Variants in EPC2 observed in about 807,000 individuals in gnomAD.
EPC2 encodes the protein enhancer of polycomb 2.
Under a neutral mutation model 92.1 loss-of-function variants are expected in EPC2, and 14 were observed. The observed-to-expected ratio is 0.15, with a 90% CI of 0.10 to 0.24. EPC2 has a LOEUF of 0.24. EPC2 is among the 10% of genes least tolerant of loss of function. The pLI is 1.00. For synonymous variants in EPC2, 340 were observed against 334.7 expected (o/e 1.02, Z -0.17); for missense variants, 755 against 971.5 (o/e 0.78, Z 2.96).
At chr2:148,781,918 G>A in intron 11 of EPC2, 138 bp downstream of exon 11, 1 of 923,040 alleles carries the variant, frequency 1.1e-6, no homozygotes. Flanking sequence ...TTTCTTTTCA[G>A]TTAATGTACG....
At chr2:148,710,982 C>CAG (rs1682129517) in intron 2 of EPC2, among the ~76,000 whole-genome samples, 1 of 152,132 alleles carries the variant, frequency 6.6e-6, no homozygotes, top group Non-Finnish European at 1.5e-5. Flanking sequence ...TTCATTCAGT[C>CAG]TCTCTTTTTG....
intron 2 of EPC2, among the ~76,000 whole-genome samples, chr2:148,693,239 G>A (rs1161083151): frequency 6.6e-6 from 1 of 152,046 alleles, no homozygotes; most frequent in African/African-American, 2.4e-5. Context: ...TGATAGATTA[G>A]AGAGAATCCC....
At chr2:148,771,870 C>T (rs1243950634) in intron 10 of EPC2, among the ~76,000 whole-genome samples, 4 of 151,806 alleles carry the variant, frequency 2.6e-5, no homozygotes, top group Admixed American at 1.3e-4. Context: ...TTAATCTCAG[C>T]TCACTGCAAC....
chr2:148,708,068 T>C (rs1427897775), intron 2 of EPC2, among the ~76,000 whole-genome samples: 1 of 152,112 alleles, frequency 6.6e-6, no homozygotes, highest in Non-Finnish European at 1.5e-5. Flanking sequence ...GAGTTGGTCT[T>C]TTGAAAAGAT....
rs1359873957 is a variant in EPC2 at position 148,762,732 on chromosome 2, A to T, written c.878A>T (p.Lys293Ile). Residue 293 changes from lysine to isoleucine, a missense_variant, in exon 6 of 14, where the codon AAA (lysine) becomes ATA (isoleucine). Transcript: ENST00000258484. ...GAAGTAAAAATCAGTAGATCAGAAA[A>T]AGAGTTATATGCCACTCCAGCAACT... is the stretch of plus-strand genomic sequence containing the variant. ...LNEVKISRSE[K>I]ELYATPATLH... The T allele has an allele frequency of 6.2e-7, 1 of 1,611,308 alleles. No homozygotes were observed. The highest frequency in any genetic ancestry group is 8.5e-7 in the Non-Finnish European group (1 of 1,178,776).
chr2:148,688,467 A>T (rs2105370475), intron 1 of EPC2, among the ~76,000 whole-genome samples: 1 of 152,304 alleles, frequency 6.6e-6, no homozygotes, highest in South Asian at 2.1e-4. Flanking sequence ...ATGCTAAATG[A>T]TGAGTTAATG....
chr2:148,760,334 T>TA (rs1192130219), intron 4 of EPC2, among the ~76,000 whole-genome samples: 2 of 152,126 alleles, frequency 1.3e-5, no homozygotes, highest in African/African-American at 4.8e-5. Context: ...GAGGAACACT[T>TA]ACTGAACAGG....
chr2:148,710,582 G>C (rs554810988), intron 2 of EPC2, among the ~76,000 whole-genome samples: 1 of 152,020 alleles, frequency 6.6e-6, no homozygotes, highest in Non-Finnish European at 1.5e-5. Context: ...CACAGTAGCA[G>C]ACTTGGAACC....
At chr2:148,726,765 G>GTTTTTTTTTTTT (rs201293391) in intron 2 of EPC2, among the ~76,000 whole-genome samples, 6 of 100,586 alleles carry the variant, frequency 6.0e-5, no homozygotes, top group East Asian at 3.1e-4. Flanking sequence ...TTTGTTTTTT[G>GTTTTTTTTTTTT]TTTTTTTTTT....
At chr2:148,764,407 C>T (rs540828541) in intron 6 of EPC2, among the ~76,000 whole-genome samples, 3 of 152,338 alleles carry the variant, frequency 2.0e-5, no homozygotes, top group Non-Finnish European at 4.4e-5. Context: ...GGAACCTCCA[C>T]AGAAGCCTGG....
intron 2 of EPC2, among the ~76,000 whole-genome samples, chr2:148,714,138 C>A (rs934390964): frequency 2.6e-5 from 4 of 151,104 alleles, no homozygotes; most frequent in Admixed American, 6.6e-5. Flanking sequence ...ATTCAGCTCC[C>A]ATTTCTAAGT....
At chr2:148,691,188 A>G in intron 2 of EPC2, among the ~76,000 whole-genome samples, 1 of 152,164 alleles carries the variant, frequency 6.6e-6, no homozygotes, top group East Asian at 1.9e-4. Context: ...ACTGTCCTGT[A>G]TCTCCTGTCC....
intron 2 of EPC2, among the ~76,000 whole-genome samples, chr2:148,716,933 T>G (rs1223916992): frequency 6.6e-6 from 1 of 152,188 alleles, no homozygotes; most frequent in African/African-American, 2.4e-5. Context: ...TATTGGTCTA[T>G]TTAGGGATTC....
rs1461152341 is a variant in EPC2, at chr2:148,784,792, A to T, written c.2142A>T (p.Thr714=). Residue 714 remains threonine (T), a synonymous_variant, in exon 13 of 14, where the codon ACA becomes ACT. Transcript: ENST00000258484. The stretch of plus-strand genomic sequence containing the variant: ...ACCACTTAATCCCAGCATTGTGCAC[A>T]AGCAGTCCTCAGACACTTCCCATGA... ...TTNHLIPALC[T]SSPQTLPMNN... 6.2e-7 allele frequency: 1 copy of T among 1,613,996 alleles called. No individual in the cohort carries two copies. Among genetic ancestry groups the T allele is most frequent in the East Asian group, 2.2e-5 (1 of 44,890 alleles).
Position 148,665,185 on chromosome 2 carries a change from C to A in EPC2, c.153+20015C>A, listed in dbSNP as rs913739720. Among the ~76,000 whole-genome samples, 4 of 152,076 alleles carry A rather than the reference C, an allele frequency of 2.6e-5. No individual in the cohort carries two copies. The South Asian group carries it at 8.3e-4, about 32-fold the overall frequency. On this transcript the variant is annotated intron_variant, in intron 1 of 13. Transcript: ENST00000258484. ...CTTTTTCACAACTTTGGATCTAATT[C>A]TTGGTTGTTTTCATATATAGGTATC... is the stretch of plus-strand genomic sequence containing the variant.
intron 13 of EPC2, among the ~76,000 whole-genome samples, chr2:148,785,478 C>T (rs1045652667): frequency 6.6e-6 from 1 of 152,136 alleles, no homozygotes; most frequent in Admixed American, 6.6e-5. Flanking sequence ...TAGGCACATG[C>T]CACCATGCCT....
In EPC2 at chr2:148,748,281, A is replaced by G. The variant is rs573069270; in HGVS notation, c.459+4514A>G. On this transcript the variant is annotated intron_variant, in intron 3 of 13. Transcript: ENST00000258484. ...TTCTTGAGGCCTCCCCAGCCATGCT[A>G]CCTGTACAGCCCGCAGCACCATGAG... is the stretch of plus-strand genomic sequence containing the variant. Among the ~76,000 whole-genome samples the G allele has an allele frequency of 5.9e-5, 9 of 152,070 alleles. No individual in the cohort carries two copies. In the South Asian group the frequency reaches 6.2e-4, roughly 11 times the overall value.
chr2:148,722,794 T>G (rs1682410033), intron 2 of EPC2, among the ~76,000 whole-genome samples: 1 of 152,160 alleles, frequency 6.6e-6, no homozygotes, highest in African/African-American at 2.4e-5. Context: ...AACAGTAGAC[T>G]GGATAAAGAA....
At chr2:148,779,566 G>C (rs1166299409) in intron 10 of EPC2, among the ~76,000 whole-genome samples, 1 of 152,158 alleles carries the variant, frequency 6.6e-6, no homozygotes, top group Non-Finnish European at 1.5e-5. Context: ...CTGGGCAATA[G>C]AGCAAGACTC....
Sources: allele counts gnomAD v4.1 joint callset (sites outside exome capture counted in the v4.1 genomes callset), GRCh38; gene constraint gnomAD v4.1.1; transcripts MANE v1.5; gene names NCBI Gene and HGNC (gene_info 2026-07-23, HGNC 2026-07-21).